Variants in ACKR3 observed in about 807,000 individuals in gnomAD.
ACKR3 encodes the protein atypical chemokine receptor 3.
ACKR3 carries 6 observed loss-of-function variants against 22.4 expected under a neutral mutation model. That is an observed-to-expected ratio of 0.27 (90% CI 0.15 to 0.53). The LOEUF (loss-of-function observed/expected upper bound fraction) is 0.53. ACKR3 is among the 20% of genes least tolerant of loss of function. ACKR3 has a pLI of 0.96. For synonymous variants in ACKR3, 209 were observed against 205.2 expected, an observed-to-expected ratio of 1.02 and a Z score of -0.16; for missense variants, 396 against 475.2, an observed-to-expected ratio of 0.83 and a Z score of 1.55.
the ACKR3 span, among the ~76,000 whole-genome samples, chr2:236,554,939 T>TCGATA: frequency 6.6e-6 from 1 of 152,016 alleles, no homozygotes; most frequent in Non-Finnish European, 1.5e-5. Context: ...AGCATCAGAG[T>TCGATA]AGGGGTTCAC....
the ACKR3 span, among the ~76,000 whole-genome samples, chr2:236,559,763 A>G: frequency 1.3e-5 from 2 of 152,178 alleles, no homozygotes; most frequent in African/African-American, 2.4e-5. Flanking sequence ...AGAGATGACT[A>G]TTTGATTTCC....
intron 1 of ACKR3, among the ~76,000 whole-genome samples, chr2:236,576,749 T>G (rs769893378): frequency 1.3e-5 from 2 of 152,394 alleles, no homozygotes; most frequent in Middle Eastern, 3.4e-3. Context: ...GGCAGTTCCC[T>G]ATTTTGAATA....
At chr2:236,560,538 T>C in the ACKR3 span, among the ~76,000 whole-genome samples, 4 of 152,180 alleles carry the variant, frequency 2.6e-5, no homozygotes, top group African/African-American at 4.8e-5. Flanking sequence ...GTTCTTTTTT[T>C]CCCTGTCGAG....
At position 236,582,328 on chromosome 2, in the gene ACKR3, T is replaced by C. The variant is rs1336539185; in HGVS notation, c.*774T>C. ...CTCTCAATTTGTAAGTTATTTTTTT[T>C]TAATAAAGATTTTTGTTTCCTAAAA... On this transcript the variant is annotated 3_prime_UTR_variant, in exon 2 of 2. Transcript: ENST00000272928. 1 of 167,014 alleles carries C rather than the reference T, an allele frequency of 6.0e-6. No individual in the cohort carries two copies. Among genetic ancestry groups the C allele is most frequent in the African/African-American group, 2.4e-5 (1 of 41,440 alleles). The allele number at this position is 167,014 out of a possible 1,614,324, so 10.3% of individuals were successfully genotyped here. A position where few individuals can be genotyped will look rare whatever the true frequency, so the allele number is the denominator to read the frequency against.
At chr2:236,569,139 A>G (rs1209390682), upstream of ACKR3, among the ~76,000 whole-genome samples, 2 of 152,252 alleles carry the variant, frequency 1.3e-5, no homozygotes, top group Non-Finnish European at 2.9e-5. Flanking sequence ...ATCAAAAGGC[A>G]TTTATTATCT....
At chr2:236,576,017 G>T (rs1219654376) in intron 1 of ACKR3, among the ~76,000 whole-genome samples, 1 of 152,048 alleles carries the variant, frequency 6.6e-6, no homozygotes, top group Non-Finnish European at 1.5e-5. Context: ...AATCTTTTAT[G>T]CAGAAACCTT....
chr2:236,557,447 A>C, the ACKR3 span, among the ~76,000 whole-genome samples: 5 of 152,182 alleles, frequency 3.3e-5, no homozygotes, highest in Non-Finnish European at 7.3e-5. Flanking sequence ...AAAGTGCAAG[A>C]TGAGCCCACA....
At chr2:236,539,260 C>G in the ACKR3 span, among the ~76,000 whole-genome samples, 10,704 of 147,934 alleles carry the variant, frequency 0.072, 1,306 homozygotes, top group African/African-American at 0.26. Flanking sequence ...GTGTGTCTCT[C>G]TCTCTCTCTC....
At chr2:236,559,607 G>A in the ACKR3 span, among the ~76,000 whole-genome samples, 5 of 152,236 alleles carry the variant, frequency 3.3e-5, no homozygotes, top group East Asian at 9.7e-4. Flanking sequence ...TTTTATTGGG[G>A]TAAAATTTAA....
chr2:236,559,361 T>C, the ACKR3 span, among the ~76,000 whole-genome samples: 2 of 152,374 alleles, frequency 1.3e-5, no homozygotes, highest in South Asian at 4.1e-4. Flanking sequence ...GTGAATATTT[T>C]TGCCTAAAAA....
chr2:236,550,220 C>T, the ACKR3 span, among the ~76,000 whole-genome samples: 1 of 152,188 alleles, frequency 6.6e-6, no homozygotes, highest in Non-Finnish European at 1.5e-5. The surrounding 1 kb of genome is among the most constrained non-coding windows in gnomAD (Gnocchi z 4.6). Context: ...GAGAATTCAA[C>T]AACATCCTTC....
the ACKR3 span, among the ~76,000 whole-genome samples, chr2:236,540,401 G>T: frequency 1.3e-5 from 2 of 151,304 alleles, no homozygotes; most frequent in African/African-American, 4.9e-5. Context: ...GAGTTATACG[G>T]GTTCTTTCTA....
In ACKR3 at chr2:236,581,730, T is replaced by C; in HGVS notation, c.*176T>C. ...TTTCTCTTGATGACGCAGCTGTCAT[T>C]TGGCTGTGCGTGCTGACAGTTTTGC... On this transcript the variant is annotated 3_prime_UTR_variant, in exon 2 of 2. Coordinates refer to ENST00000272928, the MANE Select transcript of ACKR3 (RefSeq NM_020311.3). This position sits in a 1 kb window ranked among gnomAD's most constrained non-coding sequence, Gnocchi z 4.4. 2.4e-6 allele frequency: 2 copies of C among 847,870 alleles called. No homozygotes were observed. The highest frequency in any genetic ancestry group is 2.8e-5 in the East Asian group (1 of 36,160). 52.5% of individuals were successfully genotyped at this position (847,870 alleles called of 1,614,324 possible). A position where few individuals can be genotyped will look rare whatever the true frequency, so the allele number is the denominator to read the frequency against.
the ACKR3 span, among the ~76,000 whole-genome samples, chr2:236,555,600 CAAGAG>C: frequency 6.6e-6 from 1 of 151,992 alleles, no homozygotes; most frequent in Non-Finnish European, 1.5e-5. Flanking sequence ...AGGATGCATC[CAAGAG>C]GAGAGAGAAG....
Position 236,581,423 on chromosome 2 carries a change from C to T in ACKR3, c.958C>T (p.Arg320Cys), listed in dbSNP as rs371364738. The T allele has an allele frequency of 1.3e-5, 21 of 1,614,018 alleles. No individual in the cohort carries two copies. The highest frequency in any genetic ancestry group is 1.7e-5 in the Non-Finnish European group (20 of 1,180,044). Reference sequence around the variant, plus strand: ...CCCTGTCCTCTACAGCTTCATCAATCGCAACTACAGGTACGAGCTGATGAA... The same window carrying T: ...CCCTGTCCTCTACAGCTTCATCAATTGCAACTACAGGTACGAGCTGATGAA... Reference protein sequence around the residue: ...VNPVLYSFINRNYRYELMKAF... With the variant: ...VNPVLYSFINCNYRYELMKAF... The change falls in exon 2 of 2, where the codon CGC (arginine) becomes TGC (cysteine). Residue 320 changes from arginine to cysteine, a missense_variant. By Grantham distance (180) the Arg-to-Cys change is radical. Coordinates refer to ENST00000272928, the MANE Select transcript of ACKR3 (RefSeq NM_020311.3). The surrounding 1 kb of genome is among the most constrained non-coding windows in gnomAD (Gnocchi z 4.4).
intron 1 of ACKR3, among the ~76,000 whole-genome samples, chr2:236,571,787 C>A (rs1347483153): frequency 6.6e-6 from 1 of 151,960 alleles, no homozygotes; most frequent in Non-Finnish European, 1.5e-5. Flanking sequence ...ACTTTATAAA[C>A]CTTAAGAGTA....
the ACKR3 span, among the ~76,000 whole-genome samples, chr2:236,539,768 T>C: frequency 1.3e-5 from 2 of 152,170 alleles, no homozygotes; most frequent in Admixed American, 1.3e-4. Context: ...GGGTAATTTA[T>C]AAAGGAAAGA....
the ACKR3 span, among the ~76,000 whole-genome samples, chr2:236,544,357 G>A: frequency 1.3e-5 from 2 of 152,116 alleles, no homozygotes; most frequent in African/African-American, 4.8e-5. The surrounding 1 kb of genome is among the most constrained non-coding windows in gnomAD (Gnocchi z 5.0). Context: ...TCTGTGGATG[G>A]GGGGAAGGCA....
At chr2:236,576,221 G>A (rs886677389) in intron 1 of ACKR3, among the ~76,000 whole-genome samples, 24 of 152,202 alleles carry the variant, frequency 1.6e-4, no homozygotes, top group African/African-American at 5.3e-4. Flanking sequence ...TCTCCTTCAG[G>A]CCCTGTGGCT....
Sources: allele counts gnomAD v4.1 joint callset (sites outside exome capture counted in the v4.1 genomes callset), GRCh38; gene constraint gnomAD v4.1.1; non-coding constraint Gnocchi (gnomAD v3.1); transcripts MANE v1.5; gene names NCBI Gene and HGNC (gene_info 2026-07-23, HGNC 2026-07-21).